Variants in PHF3 observed in about 807,000 individuals in gnomAD.
PHF3 encodes PHD finger protein 3.
PHF3 carries 41 observed loss-of-function variants against 178.4 expected under a neutral mutation model. The observed-to-expected ratio is 0.23, with a 90% CI of 0.18 to 0.30. PHF3 has a LOEUF of 0.30. PHF3 is among the 10% of genes least tolerant of loss of function. The probability of loss-of-function intolerance (pLI) is 1.00; values close to 1 mark genes in which losing one functional copy is unlikely to be tolerated. For synonymous variants in PHF3, 842 were observed against 800.5 expected, an observed-to-expected ratio of 1.05 and a Z score of -0.88; for missense variants, 2,346 against 2,398.1, an observed-to-expected ratio of 0.98 and a Z score of 0.45.
chr6:63,639,512 T>G (rs1030405783), intron 1 of PHF3, among the ~76,000 whole-genome samples: 2 of 152,152 alleles, frequency 1.3e-5, no homozygotes, highest in Admixed American at 6.5e-5. Context: ...GTCACTTTTG[T>G]TTCTAGCATT....
intron 2 of PHF3, among the ~76,000 whole-genome samples, chr6:63,664,673 T>G (rs1765604998): frequency 6.6e-6 from 1 of 152,140 alleles, no homozygotes; most frequent in African/African-American, 2.4e-5. Flanking sequence ...AGAACTTACT[T>G]GGAATGCATT....
rs543630548 is a variant in PHF3, at chr6:63,668,942, T to C, written c.245-11058T>C. Among the ~76,000 whole-genome samples the C allele has an allele frequency of 1.3e-4, 20 of 152,354 alleles. No homozygotes were observed. The South Asian group carries it at 4.1e-3, about 32-fold the overall frequency. ...AATTTCAGTATAAGATTTCTTGATA[T>C]GCAACTTCAAAAAAGCATGTGAAAT... On this transcript the variant is annotated intron_variant, in intron 2 of 15. Transcript: ENST00000262043.
chr6:63,700,660 T>G (rs554752473), intron 9 of PHF3, among the ~76,000 whole-genome samples, 194 bp downstream of exon 9: 1 of 152,286 alleles, frequency 6.6e-6, no homozygotes, highest in South Asian at 2.1e-4. Context: ...CTCAGCTCAC[T>G]GCAACCTCTG....
Position 63,713,277 on chromosome 6 carries a change from C to T in PHF3, c.5689C>T (p.His1897Tyr). 6.2e-7 allele frequency: 1 copy of T among 1,613,972 alleles called. No homozygotes were observed. Among genetic ancestry groups the T allele is most frequent in the Non-Finnish European group, 8.5e-7 (1 of 1,179,968 alleles). ...AGACATTCGGAGGCCAGAAAGGCGC[C>T]ATAGTGACCCTTGGGGTAGGCAAGA... Reference protein sequence around the residue: ...VKDIRRPERRHSDPWGRQDQQ... With the variant: ...VKDIRRPERRYSDPWGRQDQQ... Residue 1897 changes from histidine to tyrosine, a missense_variant, in exon 16 of 16, where the codon CAT (histidine) becomes TAT (tyrosine). By Grantham distance (83) the His-to-Tyr change is moderately conservative. This residue lies in a region of PHF3 where 839 missense variants were observed against 806.9 expected (regional missense o/e 1.04). Coordinates refer to ENST00000262043, the MANE Select transcript of PHF3 (RefSeq NM_001370348.2).
At chr6:63,680,865 A>G (rs1298964499) in intron 3 of PHF3, among the ~76,000 whole-genome samples, 1 of 152,098 alleles carries the variant, frequency 6.6e-6, no homozygotes, top group Non-Finnish European at 1.5e-5. Flanking sequence ...AGCCTGATGC[A>G]AAGCTGTTCA....
intron 2 of PHF3, among the ~76,000 whole-genome samples, chr6:63,665,924 A>G (rs1233343946): frequency 1.3e-5 from 2 of 152,200 alleles, no homozygotes; most frequent in East Asian, 1.9e-4. Context: ...TCTCTACTTT[A>G]TGGAATTTTT....
Position 63,695,521 on chromosome 6 carries a change from T to C in PHF3, c.2680+757T>C, listed in dbSNP as rs187770523. ...AAGAGTAGCAGGTACTCTGATGGTT[T>C]ATTCTACCTCATGGGACCTTTGGGG... On this transcript the variant is annotated intron_variant, in intron 6 of 15. Coordinates refer to ENST00000262043, the MANE Select transcript of PHF3 (RefSeq NM_001370348.2). 3.3e-4 allele frequency among the ~76,000 whole-genome samples: 51 copies of C among 152,302 alleles called. 1 individual carries two copies. In the South Asian group the frequency reaches 4.4e-3, roughly 13 times the overall value.
In PHF3 at chr6:63,711,945, C is replaced by G; in HGVS notation, c.4357C>G (p.Gln1453Glu). The G allele has an allele frequency of 6.2e-7, 1 of 1,613,764 alleles. No individual in the cohort carries two copies. The highest frequency in any genetic ancestry group is 8.5e-7 in the Non-Finnish European group (1 of 1,179,922). The change falls in exon 16 of 16, where the codon CAA (glutamine) becomes GAA (glutamate). Residue 1453 changes from glutamine (Q) to glutamate (E), a missense_variant. Around this residue, in one of 8 missense-constraint regions of PHF3, gnomAD observed 839 missense variants for 806.9 expected, o/e 1.04. Coordinates refer to ENST00000262043, the MANE Select transcript of PHF3 (RefSeq NM_001370348.2). ...TGGCGTGTTGATTGGCTGGGAGAAT[C>G]AACCTACTACTCTGGAATTAGCAAA... is the stretch of plus-strand genomic sequence containing the variant. ...LPGVLIGWENQPTTLELANKP... is the reference protein window; with the variant it reads ...LPGVLIGWENEPTTLELANKP...
intron 1 of PHF3, among the ~76,000 whole-genome samples, chr6:63,640,794 T>C (rs900059083): frequency 6.6e-6 from 1 of 152,238 alleles, no homozygotes; most frequent in Non-Finnish European, 1.5e-5. Context: ...TTAAATGAAT[T>C]AAAAAATGTA....
intron 2 of PHF3, 85 bp from the exon 3 acceptor site, chr6:63,679,915 A>G (rs776150089): frequency 4.7e-6 from 5 of 1,057,362 alleles, no homozygotes; most frequent in African/African-American, 3.1e-5. Flanking sequence ...CATTAAGACT[A>G]TCTCACAGTA....
intron 1 of PHF3, among the ~76,000 whole-genome samples, chr6:63,638,009 AT>A (rs1361867377): frequency 6.6e-6 from 1 of 152,020 alleles, no homozygotes; most frequent in Non-Finnish European, 1.5e-5. Context: ...AGATAACTTT[AT>A]CATGTTGATC....
chr6:63,647,762 C>A (rs987145847), intron 2 of PHF3, among the ~76,000 whole-genome samples: 3 of 152,112 alleles, frequency 2.0e-5, no homozygotes, highest in Non-Finnish European at 4.4e-5. Flanking sequence ...GAAAATATTA[C>A]TGTAAACGTT....
At chr6:63,698,749 TCTTTTTG>T in intron 8 of PHF3, 144 bp downstream of exon 8, 1 of 553,256 alleles carries the variant, frequency 1.8e-6, no homozygotes, top group East Asian at 3.2e-5. Context: ...ATTTTAATAG[TCTTTTTG>T]CTACTGAATA....
chr6:63,638,466 A>G (rs375329893), intron 1 of PHF3, among the ~76,000 whole-genome samples: 2 of 152,110 alleles, frequency 1.3e-5, no homozygotes, highest in Non-Finnish European at 2.9e-5. Context: ...ATCCATTTAA[A>G]TTTCTCATAA....
intron 5 of PHF3, 106 bp downstream of exon 5, chr6:63,692,149 A>G (rs1767035835): frequency 2.4e-6 from 2 of 847,220 alleles, no homozygotes; most frequent in African/African-American, 1.7e-5. Flanking sequence ...GTTCTTTTAC[A>G]TTTTCAAATT....
chr6:63,653,035 T>G (rs1177181667), intron 2 of PHF3, among the ~76,000 whole-genome samples: 4 of 148,830 alleles, frequency 2.7e-5, no homozygotes, highest in South Asian at 2.1e-4. Flanking sequence ...TTTTTTTTTG[T>G]GGTTCTGTGT....
At chr6:63,664,548 TGTATTAATGTA>T (rs1765599534) in intron 2 of PHF3, among the ~76,000 whole-genome samples, 1 of 152,214 alleles carries the variant, frequency 6.6e-6, no homozygotes, top group Non-Finnish European at 1.5e-5. Context: ...ACTGTTTTAC[TGTATTAATGTA>T]TTTTGTATAA....
intron 4 of PHF3, 24 bp from the exon 5 acceptor site, chr6:63,691,713 G>GTT (rs1273643547): frequency 6.5e-7 from 1 of 1,530,874 alleles, no homozygotes; most frequent in Non-Finnish European, 8.8e-7. Flanking sequence ...AGGGATAAAA[G>GTT]TTTTTTGGTG....
At chr6:63,689,393 G>T (rs577368012) in intron 4 of PHF3, among the ~76,000 whole-genome samples, 26 of 152,192 alleles carry the variant, frequency 1.7e-4, no homozygotes, top group African/African-American at 6.3e-4. Flanking sequence ...AAAACAAACA[G>T]ACTTAGAAAA....
Sources: allele counts gnomAD v4.1 joint callset (sites outside exome capture counted in the v4.1 genomes callset), GRCh38; gene constraint gnomAD v4.1.1; regional missense constraint gnomAD v4.1.1; transcripts MANE v1.5; gene names NCBI Gene and HGNC (gene_info 2026-07-23, HGNC 2026-07-21).